UNC79: variants seen among roughly 807,000 people sequenced by gnomAD.
The protein encoded by UNC79 is protein unc-79 homolog.
In UNC79, 37 loss-of-function variants were observed where a neutral mutation model predicts 283.1. The ratio of observed to expected loss-of-function variants is 0.13; its 90% confidence interval spans 0.10 to 0.17. The LOEUF (loss-of-function observed/expected upper bound fraction) is 0.17, where lower values mean the gene tolerates loss of function less well. Ranked by LOEUF, UNC79 falls within the 10% of genes least tolerant of loss-of-function variation. The probability of loss-of-function intolerance (pLI) is 1.00; values close to 1 mark genes in which losing one functional copy is unlikely to be tolerated. For missense variants in UNC79, 2,272 were observed against 3,211.1 expected, an observed-to-expected ratio of 0.71 and a Z score of 7.07; for synonymous variants, 1,107 against 1,200.2, an observed-to-expected ratio of 0.92 and a Z score of 1.61.
intron 1 of UNC79, among the ~76,000 whole-genome samples, chr14:93,405,267 G>A (rs2055203441): frequency 1.4e-5 from 2 of 146,402 alleles, no homozygotes; most frequent in African/African-American, 2.6e-5. Context: ...TGGGTGACAA[G>A]AGCAAAACTC....
intron 1 of UNC79, among the ~76,000 whole-genome samples, chr14:93,434,640 C>T (rs934091116): frequency 6.6e-6 from 1 of 152,096 alleles, no homozygotes; most frequent in African/African-American, 2.4e-5. Context: ...CAGACTGCTG[C>T]CTGGGTTTGA....
At chr14:93,545,240 G>A (rs973789036) in intron 14 of UNC79, among the ~76,000 whole-genome samples, 2 of 152,084 alleles carry the variant, frequency 1.3e-5, no homozygotes, top group Non-Finnish European at 2.9e-5. Context: ...ACAATCACCT[G>A]CATTTTGACC....
intron 5 of UNC79, among the ~76,000 whole-genome samples, chr14:93,492,694 G>A (rs2058788551): frequency 6.6e-6 from 1 of 152,202 alleles, no homozygotes; most frequent in Non-Finnish European, 1.5e-5. Context: ...GGCATTCTGG[G>A]AGGGGAAGCT....
rs560886497 is a variant in UNC79 at position 93,696,207 on chromosome 14, A to T, written c.7548+1795A>T. Reference sequence around the variant, plus strand: ...TATACCACATTTTCCTTATTCATTTATCAGTTATTTGACATCTAGGGGGTT... The same window carrying T: ...TATACCACATTTTCCTTATTCATTTTTCAGTTATTTGACATCTAGGGGGTT... On this transcript the variant is annotated intron_variant, in intron 47 of 48. Transcript: ENST00000555664. Among the ~76,000 whole-genome samples the T allele has an allele frequency of 5.9e-5, 9 of 152,272 alleles. No individual in the cohort carries two copies. In the South Asian group the frequency reaches 1.7e-3, roughly 28 times the overall value.
chr14:93,460,831 C>G (rs796519569), intron 1 of UNC79, among the ~76,000 whole-genome samples: 19 of 152,106 alleles, frequency 1.2e-4, no homozygotes, highest in African/African-American at 4.6e-4. Context: ...TCGAGACCAG[C>G]CTGAGCAGTA....
At chr14:93,423,031 C>G (rs1487271305) in intron 1 of UNC79, among the ~76,000 whole-genome samples, 1 of 134,932 alleles carries the variant, frequency 7.4e-6, no homozygotes. Flanking sequence ...CCACTGCACT[C>G]CAGCCTGGGG....
intron 1 of UNC79, among the ~76,000 whole-genome samples, chr14:93,364,388 T>C (rs2054288113): frequency 1.3e-5 from 2 of 152,054 alleles, no homozygotes; most frequent in African/African-American, 4.8e-5. Context: ...CAATGTTATA[T>C]ATGTGAGATT....
Position 93,361,257 on chromosome 14 carries a change from G to GAA in UNC79, c.-351+27735_-351+27736dup, listed in dbSNP as rs1566892285. ...AAAAAGAAAAGAAAAGAAAAGAAAA[G>GAA]AAGGAGGCACAACGCCTAGCAGGCC... On this transcript the variant is annotated intron_variant, in intron 1 of 49. Transcript: ENST00000256339. 9.2e-3 allele frequency among the ~76,000 whole-genome samples: 301 copies of GAA among 32,750 alleles called. 10 individuals are homozygous for GAA. In the South Asian group the frequency reaches 0.11, roughly 12 times the overall value. The allele number at this position is 32,750 out of a possible 152,430, so 21.5% of individuals were successfully genotyped here.
At chr14:93,466,129 A>C (rs1463566365) in intron 1 of UNC79, among the ~76,000 whole-genome samples, 2 of 152,158 alleles carry the variant, frequency 1.3e-5, no homozygotes, top group Non-Finnish European at 2.9e-5. Context: ...TTATAAACTT[A>C]TTGCTTTCTT....
At chr14:93,634,752 G>A (rs1256467775) in intron 31 of UNC79, 115 bp downstream of exon 34, 8 of 1,078,496 alleles carry the variant, frequency 7.4e-6, no homozygotes, top group Middle Eastern at 4.2e-4. Context: ...CTTTGGTTCA[G>A]GTAATTTTTC....
At chr14:93,399,783 T>C (rs776807361) in intron 1 of UNC79, among the ~76,000 whole-genome samples, 1 of 152,204 alleles carries the variant, frequency 6.6e-6, no homozygotes, top group Non-Finnish European at 1.5e-5. Flanking sequence ...CAGATGTTAG[T>C]TGGGGCTCTT....
At position 93,574,923 on chromosome 14, in the gene UNC79, TGTTGATAGAATAC is replaced by T; in HGVS notation, c.2071-132_2071-120del. The T allele has an allele frequency of 3.2e-6, 3 of 933,788 alleles. No homozygotes were observed. The Admixed American group carries it at 9.8e-5, about 31-fold the overall frequency. The allele number at this position is 933,788 out of a possible 1,614,324, so 57.8% of individuals were successfully genotyped here. A position where few individuals can be genotyped will look rare whatever the true frequency, so the allele number is the denominator to read the frequency against. On this transcript the variant is annotated intron_variant, in intron 16 of 48. Coordinates refer to ENST00000555664, the Ensembl canonical transcript of UNC79. ...TAGTATGAAAATTGGAGGATGACTG[TGTTGATAGAATAC>T]GTGTAAGGCTAATTATCCTTATGTT...
chr14:93,469,782 T>A (rs1354026330), intron 2 of UNC79, among the ~76,000 whole-genome samples: 2 of 152,102 alleles, frequency 1.3e-5, no homozygotes, highest in African/African-American at 2.4e-5. Flanking sequence ...CCTCAGAAGC[T>A]GAGGGAGGAG....
At chr14:93,572,549 A>G in intron 15 of UNC79, 144 bp from the exon 16 acceptor site, 5 of 1,191,954 alleles carry the variant, frequency 4.2e-6, no homozygotes, top group Non-Finnish European at 5.8e-6. Flanking sequence ...CAGTAAAGTG[A>G]AATATGCTGA....
At chr14:93,434,011 C>T (rs1227581938) in intron 1 of UNC79, among the ~76,000 whole-genome samples, 6 of 152,050 alleles carry the variant, frequency 3.9e-5, no homozygotes, top group African/African-American at 9.6e-5. Context: ...GTCGGGAGTT[C>T]GAGACCAGCC....
intron 1 of UNC79, among the ~76,000 whole-genome samples, chr14:93,448,072 C>A (rs894683650): frequency 3.3e-5 from 5 of 152,034 alleles, no homozygotes; most frequent in African/African-American, 1.2e-4. Flanking sequence ...CAAATATTTT[C>A]TCAGCCCCGT....
chr14:93,598,817 G>C (rs978821823), intron 24 of UNC79, among the ~76,000 whole-genome samples: 9 of 152,124 alleles, frequency 5.9e-5, no homozygotes, highest in Non-Finnish European at 1.2e-4. Flanking sequence ...CCACCACTGC[G>C]CCTGGCCTGA....
chr14:93,428,225 T>C (rs1053467107), upstream of UNC79, among the ~76,000 whole-genome samples: 2 of 152,140 alleles, frequency 1.3e-5, no homozygotes, highest in South Asian at 2.1e-4. Context: ...CACAGCTTTT[T>C]GAGGATGAAA....
In UNC79 at chr14:93,402,290, A is replaced by AAG. The variant is rs1555404285; in HGVS notation, c.-350-65380_-350-65379insGA. On this transcript the variant is annotated intron_variant, in intron 1 of 49. Coordinates refer to the UNC79 transcript ENST00000256339. ...AGACTCTGTCTCAAAAAAAAAAAAA[A>AAG]AAAAGAAAAGAAAAGAAAAAAAAAA... Among the ~76,000 whole-genome samples, 113 of 139,354 alleles carry AAG rather than the reference A, an allele frequency of 8.1e-4. 1 individual carries two copies. Among genetic ancestry groups the AAG allele is most frequent in the African/African-American group, 2.8e-3 (107 of 38,044 alleles). 91.4% of individuals were successfully genotyped at this position (139,354 alleles called of 152,430 possible).
Sources: gnomAD v4.1 joint callset for allele counts (sites outside exome capture counted in the v4.1 genomes callset) on GRCh38, gnomAD v4.1.1 for gene constraint, MANE v1.5 for transcripts, NCBI Gene and HGNC (gene_info 2026-07-23, HGNC 2026-07-21) for gene names.